GRM7: variants seen among roughly 807,000 people sequenced by gnomAD.
The protein encoded by GRM7 is glutamate metabotropic receptor 7, also known as metabotropic glutamate receptor 7.
In GRM7, 35 loss-of-function variants were observed where a neutral mutation model predicts 84.5. That is an observed-to-expected ratio of 0.41 (90% CI 0.32 to 0.55). The LOEUF (loss-of-function observed/expected upper bound fraction) is 0.55, where lower values mean the gene tolerates loss of function less well. GRM7 is among the 20% of genes least tolerant of loss of function. The pLI is 0.19. For synonymous variants in GRM7, 487 were observed against 455.1 expected, an observed-to-expected ratio of 1.07 and a Z score of -0.89; for missense variants, 1,003 against 1,194.6, an observed-to-expected ratio of 0.84 and a Z score of 2.36.
chr3:7,375,833 C>T (rs1362018460), intron 4 of GRM7, among the ~76,000 whole-genome samples: 1 of 152,178 alleles, frequency 6.6e-6, no homozygotes, highest in Non-Finnish European at 1.5e-5. Flanking sequence ...TAGCCTAATT[C>T]CCAAACCAGA....
rs1693862466 is a variant in GRM7 at position 7,139,093 on chromosome 3, A to G, written c.520-7359A>G. On this transcript the variant is annotated intron_variant, in intron 1 of 9. Coordinates refer to ENST00000357716, the MANE Select transcript of GRM7 (RefSeq NM_000844.4). ...ATAATATTATATAATGTACTATATT[A>G]TACTCTATAATATAATATACTATAT... Among the ~76,000 whole-genome samples, 5 of 147,590 alleles carry G rather than the reference A, an allele frequency of 3.4e-5. No homozygotes were observed. In the Admixed American group the frequency reaches 3.4e-4, roughly 10 times the overall value.
At chr3:7,195,846 G>A (rs932961211) in intron 2 of GRM7, among the ~76,000 whole-genome samples, 1 of 152,060 alleles carries the variant, frequency 6.6e-6, no homozygotes, top group African/African-American at 2.4e-5. Flanking sequence ...ACCTACAGTG[G>A]CTTCCCATTT....
intron 6 of GRM7, among the ~76,000 whole-genome samples, chr3:7,453,883 A>G (rs948860316): frequency 6.6e-6 from 1 of 152,150 alleles, no homozygotes; most frequent in African/African-American, 2.4e-5. Context: ...CCTCCAGGAT[A>G]TGGGGCAGGA....
chr3:7,452,760 C>T lies in GRM7; in HGVS notation c.1328C>T (p.Ala443Val). The change falls in exon 6 of 10, where the codon GCT (alanine) becomes GTT (valine). Residue 443 changes from alanine to valine, a missense_variant. Coordinates refer to ENST00000357716, the MANE Select transcript of GRM7 (RefSeq NM_000844.4). ...GGTGTCTGCCCAGAGATGGAGCAAG[C>T]TGGAGGCAAGAAGTTGCTGAAGTAT... is the stretch of plus-strand genomic sequence containing the variant. ...YRGVCPEMEQ[A>V]GGKKLLKYIR... is the part of the protein sequence containing the mutation. 1 of 1,613,390 alleles carries T rather than the reference C, an allele frequency of 6.2e-7. No individual in the cohort carries two copies. The highest frequency in any genetic ancestry group is 8.5e-7 in the Non-Finnish European group (1 of 1,179,556).
chr3:7,691,032 T>G (rs1032881847), intron 9 of GRM7: 1 of 287,688 alleles, frequency 3.5e-6, no homozygotes, highest in Middle Eastern at 6.9e-4. Flanking sequence ...GTATCTCAAC[T>G]TTGCAGATTT....
At chr3:7,038,340 T>G (rs556447269) in intron 1 of GRM7, among the ~76,000 whole-genome samples, 1 of 152,332 alleles carries the variant, frequency 6.6e-6, no homozygotes, top group African/African-American at 2.4e-5. Context: ...ATCAGGATTC[T>G]TGCTCTACCC....
intron 2 of GRM7, 71 bp downstream of exon 2, chr3:7,146,739 T>G (rs1694123023): frequency 9.5e-7 from 1 of 1,053,392 alleles, no homozygotes; most frequent in Non-Finnish European, 1.4e-6. Flanking sequence ...CTCTTCAAAC[T>G]TCATTAAATA....
At chr3:7,410,955 G>A (rs1457473260) in intron 4 of GRM7, among the ~76,000 whole-genome samples, 1 of 152,142 alleles carries the variant, frequency 6.6e-6, no homozygotes, top group Non-Finnish European at 1.5e-5. Context: ...GTTTCAGCTG[G>A]TGCCACTGCC....
chr3:6,952,500 A>G (rs1463862698), intron 1 of GRM7, among the ~76,000 whole-genome samples: 34 of 152,110 alleles, frequency 2.2e-4, no homozygotes. Context: ...TAATCTCTCC[A>G]GTTGCCTCTG....
chr3:7,113,281 T>C (rs1439496610), intron 1 of GRM7, among the ~76,000 whole-genome samples: 1 of 152,218 alleles, frequency 6.6e-6, no homozygotes, highest in African/African-American at 2.4e-5. Context: ...TTATTAATAC[T>C]TTGTTTTAGA....
intron 4 of GRM7, among the ~76,000 whole-genome samples, chr3:7,320,102 A>G (rs944916798): frequency 8.6e-5 from 13 of 151,930 alleles, no homozygotes; most frequent in African/African-American, 3.1e-4. Context: ...ATTTTTTTCT[A>G]TTCTTGCACT....
intron 4 of GRM7, among the ~76,000 whole-genome samples, chr3:7,383,075 A>G (rs950474538): frequency 1.3e-5 from 2 of 152,172 alleles, no homozygotes. Context: ...ACCCAGATCC[A>G]CACTCTAGCC....
chr3:6,904,951 G>A (rs1696515363), intron 1 of GRM7, among the ~76,000 whole-genome samples: 1 of 151,896 alleles, frequency 6.6e-6, no homozygotes, highest in Admixed American at 6.6e-5. Flanking sequence ...TTCAACTCTT[G>A]GCCTCAATTC....
chr3:7,099,283 A>C (rs1016108168), intron 1 of GRM7, among the ~76,000 whole-genome samples: 2 of 147,006 alleles, frequency 1.4e-5, no homozygotes, highest in Non-Finnish European at 3.0e-5. Context: ...GAATACATGT[A>C]TTATACATGT....
intron 4 of GRM7, among the ~76,000 whole-genome samples, chr3:7,310,661 G>A (rs1050887799): frequency 1.3e-5 from 2 of 152,196 alleles, no homozygotes; most frequent in South Asian, 2.1e-4. Context: ...ATGAGATACT[G>A]CATGATAAAC....
At chr3:7,065,021 CT>C (rs1697602861) in intron 1 of GRM7, among the ~76,000 whole-genome samples, 1 of 151,826 alleles carries the variant, frequency 6.6e-6, no homozygotes, top group Admixed American at 6.6e-5. Flanking sequence ...CCTTAGCCCA[CT>C]TTTTGATGGG....
At chr3:7,630,899 G>T (rs548646549) in intron 8 of GRM7, among the ~76,000 whole-genome samples, 1 of 152,186 alleles carries the variant, frequency 6.6e-6, no homozygotes, top group African/African-American at 2.4e-5. Context: ...TGTTAAGCCC[G>T]ATGAACCCAG....
chr3:6,977,391 G>A (rs964679159), intron 1 of GRM7, among the ~76,000 whole-genome samples: 2 of 152,094 alleles, frequency 1.3e-5, no homozygotes, highest in Admixed American at 6.6e-5. Context: ...CTGTGTGCGT[G>A]TGTGTTGGTG....
chr3:7,161,338 C>G (rs1423557081), intron 2 of GRM7, among the ~76,000 whole-genome samples: 1 of 151,836 alleles, frequency 6.6e-6, no homozygotes, highest in East Asian at 1.9e-4. Context: ...GAAATCCTTT[C>G]CCTTTGTGGC....
Sources: gnomAD v4.1 joint callset for allele counts (sites outside exome capture counted in the v4.1 genomes callset) on GRCh38, gnomAD v4.1.1 for gene constraint, MANE v1.5 for transcripts, NCBI Gene and HGNC (gene_info 2026-07-23, HGNC 2026-07-21) for gene names.